Variants in FOXK2 observed in about 807,000 individuals in gnomAD.
FOXK2 encodes forkhead box protein K2.
A neutral mutation model predicts 53.3 loss-of-function variants in FOXK2; 24 were observed. The ratio of observed to expected loss-of-function variants is 0.45; its 90% confidence interval spans 0.33 to 0.63. The LOEUF is 0.63. Ranked by LOEUF, FOXK2 falls within the 30% of genes least tolerant of loss-of-function variation. FOXK2 has a pLI of 0.03. For missense variants in FOXK2, 952 were observed against 910.5 expected (o/e 1.05, Z -0.59); for synonymous variants, 505 against 407.1 (o/e 1.24, Z -2.89).
At chr17:82,574,832 C>T (rs2044964616) in intron 4 of FOXK2, among the ~76,000 whole-genome samples, 1 of 152,170 alleles carries the variant, frequency 6.6e-6, no homozygotes, top group Non-Finnish European at 1.5e-5. Flanking sequence ...CCACAGAGGA[C>T]ATCTGAGGGT....
intron 1 of FOXK2, among the ~76,000 whole-genome samples, chr17:82,540,629 C>T (rs1039369427): frequency 2.0e-5 from 3 of 152,158 alleles, no homozygotes; most frequent in African/African-American, 7.2e-5. Context: ...CACGCCTGCC[C>T]ACTGGATGCT....
intron 1 of FOXK2, among the ~76,000 whole-genome samples, chr17:82,557,252 G>A (rs758015338): frequency 4.7e-5 from 7 of 150,302 alleles, no homozygotes; most frequent in Admixed American, 1.3e-4. Flanking sequence ...GGCTGGTCTC[G>A]AACTCCTGAC....
At position 82,519,971 on chromosome 17, in the gene FOXK2, G is replaced by C. The variant is rs1438027756; in HGVS notation, c.83G>C (p.Gly28Ala). The C allele has an allele frequency of 2.5e-6, 3 of 1,197,400 alleles. No homozygotes were observed. Among genetic ancestry groups the C allele is most frequent in the Admixed American group, 4.0e-5 (1 of 24,986 alleles). The allele number at this position is 1,197,400 out of a possible 1,614,324, so 74.2% of individuals were successfully genotyped here. The change falls in exon 1 of 9, where the codon GGC becomes GCC. Residue 28 changes from glycine to alanine, a missense_variant. By Grantham distance (60) the Gly-to-Ala change is moderately conservative. Around this residue, in one of 5 missense-constraint regions of FOXK2, gnomAD observed 163 missense variants for 165.5 expected, o/e 0.98. Coordinates refer to ENST00000335255, the MANE Select transcript of FOXK2 (RefSeq NM_004514.4). ...GGAGGGGAGGGGSPPGGWAVA... is the reference protein window; with the variant it reads ...GGAGGGGAGGAGSPPGGWAVA... ...GCCGGGGGCGGCGGGGCCGGGGGCG[G>C]CGGGTCCCCGCCGGGCGGCTGGGCC... is the stretch of plus-strand genomic sequence containing the variant.
chr17:82,551,093 G>C (rs936371610), intron 1 of FOXK2, among the ~76,000 whole-genome samples: 1 of 151,906 alleles, frequency 6.6e-6, no homozygotes, highest in Non-Finnish European at 1.5e-5. Context: ...CGAGGCGGGC[G>C]GATCACAAGC....
rs753468371 is a variant in FOXK2, at chr17:82,586,026, G to T, written c.1402G>T (p.Val468Leu). The T allele has an allele frequency of 1.9e-6, 3 of 1,612,802 alleles. No individual in the cohort carries two copies. The highest frequency in any genetic ancestry group is 1.7e-5 in the Admixed American group (1 of 60,024). ...CACCTCGACCTCCCAGCCACCCGTC[G>T]TGCAGACGGTTCACGTCGTCCACCA... ...VTTSTSQPPV[V>L]QTVHVVHQIP... is the part of the protein sequence containing the mutation. Residue 468 changes from valine to leucine, a missense_variant, in exon 7 of 9, where the codon GTG becomes TTG. This residue lies in a region of FOXK2 where 551 missense variants were observed against 385.1 expected (regional missense o/e 1.43). Coordinates refer to ENST00000335255, the MANE Select transcript of FOXK2 (RefSeq NM_004514.4).
At chr17:82,530,465 A>AAG (rs36003705) in intron 1 of FOXK2, among the ~76,000 whole-genome samples, 35 of 126,276 alleles carry the variant, frequency 2.8e-4, no homozygotes, top group African/African-American at 9.2e-4. Context: ...AAAAAAAAAA[A>AAG]AGAGAGAGAA....
At chr17:82,529,244 A>G (rs1452772781) in intron 1 of FOXK2, among the ~76,000 whole-genome samples, 1 of 108,184 alleles carries the variant, frequency 9.2e-6, no homozygotes, top group Admixed American at 1.1e-4. Flanking sequence ...TTTTTTTGAG[A>G]CAGGGTCTTG....
chr17:82,562,865 G>C (rs2044811547), intron 1 of FOXK2, among the ~76,000 whole-genome samples: 1 of 151,718 alleles, frequency 6.6e-6, no homozygotes, highest in Non-Finnish European at 1.5e-5. Flanking sequence ...AAGTGCAGTG[G>C]CACTATCATA....
chr17:82,568,273 C>A, intron 3 of FOXK2, 72 bp downstream of exon 3: 1 of 1,553,690 alleles, frequency 6.4e-7, no homozygotes, highest in Non-Finnish European at 8.8e-7. Context: ...ATGTCACCTG[C>A]CTGTCACTCA....
chr17:82,546,859 C>T lies in FOXK2; in HGVS notation c.420-16495C>T, dbSNP rs186119801. Among the ~76,000 whole-genome samples, 268 of 152,006 alleles carry T rather than the reference C, an allele frequency of 1.8e-3. 3 individuals carry two copies. Among genetic ancestry groups the T allele is most frequent in the Non-Finnish European group, 4.7e-4 (32 of 67,972 alleles). On this transcript the variant is annotated intron_variant, in intron 1 of 8. Transcript: ENST00000335255. ...TGGGAGGCCGAGGCAGATGGATCAC[C>T]TGAGGTCAGGGGATTGAGACCATCC...
intron 1 of FOXK2, among the ~76,000 whole-genome samples, chr17:82,534,355 C>T (rs1417413355): frequency 1.3e-5 from 2 of 152,318 alleles, no homozygotes; most frequent in Admixed American, 1.3e-4. Flanking sequence ...TAATGTGTGT[C>T]AGGGCACATG....
rs1242014423 is a variant in FOXK2 at position 82,604,518 on chromosome 17, T to C, written c.*3019T>C. 1 of 152,586 alleles carries C rather than the reference T, an allele frequency of 6.6e-6. No homozygotes were observed. Among genetic ancestry groups the C allele is most frequent in the Non-Finnish European group, 1.5e-5 (1 of 68,030 alleles). The allele number at this position is 152,586 out of a possible 1,614,324, so 9.5% of individuals were successfully genotyped here. ...CTAACTTCCACTATTCTAGAAAGTA[T>C]AGTGGTGATTTGTGTGCAAAGATTT... On this transcript the variant is annotated 3_prime_UTR_variant, in exon 9 of 9. Coordinates refer to ENST00000335255, the MANE Select transcript of FOXK2 (RefSeq NM_004514.4).
intron 5 of FOXK2, among the ~76,000 whole-genome samples, chr17:82,583,441 GGA>G (rs2045090000): frequency 1.3e-5 from 2 of 152,216 alleles, no homozygotes; most frequent in Admixed American, 1.3e-4. Context: ...CAGCTACTCG[GGA>G]GCCTGAGGCA....
chr17:82,567,860 G>A (rs939518298), intron 2 of FOXK2, among the ~76,000 whole-genome samples, 194 bp from the exon 3 acceptor site: 2 of 150,950 alleles, frequency 1.3e-5, no homozygotes, highest in African/African-American at 2.4e-5. Flanking sequence ...TTCTTGGGAC[G>A]ATCTTAAATT....
At chr17:82,523,211 G>A (rs1195837479) in intron 1 of FOXK2, among the ~76,000 whole-genome samples, 4 of 152,312 alleles carry the variant, frequency 2.6e-5, no homozygotes, top group African/African-American at 9.6e-5. Flanking sequence ...GGCCACCGAG[G>A]TGAACATGTA....
Position 82,553,728 on chromosome 17 carries a change from C to G in FOXK2, c.420-9626C>G, listed in dbSNP as rs143902232. 3.3e-3 allele frequency among the ~76,000 whole-genome samples: 503 copies of G among 152,318 alleles called. 4 individuals carry two copies. The highest frequency in any genetic ancestry group is 3.1e-3 in the Non-Finnish European group (214 of 68,032). Reference sequence around the variant, plus strand: ...TGAACCACCACTAGAATCGGCTAAGCTCCAGGGACACAGCAGTTGCGCCTG... The same window carrying G: ...TGAACCACCACTAGAATCGGCTAAGGTCCAGGGACACAGCAGTTGCGCCTG... On this transcript the variant is annotated intron_variant, in intron 1 of 8. Transcript: ENST00000335255.
intron 2 of FOXK2, among the ~76,000 whole-genome samples, chr17:82,566,447 T>C (rs2044852129): frequency 6.6e-6 from 1 of 152,266 alleles, no homozygotes. Context: ...TGAATTTGGC[T>C]GAACATAACT....
intron 1 of FOXK2, among the ~76,000 whole-genome samples, chr17:82,534,394 G>A (rs1200777319): frequency 6.6e-6 from 1 of 152,158 alleles, no homozygotes; most frequent in African/African-American, 2.4e-5. Flanking sequence ...TAGTTGTTGC[G>A]GCTCTAATAT....
intron 1 of FOXK2, among the ~76,000 whole-genome samples, chr17:82,528,630 C>A (rs924491634): frequency 3.9e-5 from 6 of 152,300 alleles, no homozygotes; most frequent in African/African-American, 1.4e-4. Flanking sequence ...CAAGGTGTTA[C>A]AGCTGTACCT....
Sources: gnomAD v4.1 joint callset for allele counts (sites outside exome capture counted in the v4.1 genomes callset) on GRCh38, gnomAD v4.1.1 for gene constraint, gnomAD v4.1.1 regional missense constraint, MANE v1.5 for transcripts, NCBI Gene and HGNC (gene_info 2026-07-23, HGNC 2026-07-21) for gene names.